Variants in XIRP2 observed in about 807,000 individuals in gnomAD.
The protein encoded by XIRP2 is xin actin-binding repeat-containing protein 2.
XIRP2 carries 236 observed loss-of-function variants against 277.0 expected under a neutral mutation model. The ratio of observed to expected loss-of-function variants is 0.85; its 90% confidence interval spans 0.77 to 0.95. The LOEUF (loss-of-function observed/expected upper bound fraction) is 0.95. Among genes scored for constraint, XIRP2 ranks in the 40% least tolerant of loss-of-function variants. The pLI is 0.00. For synonymous variants in XIRP2, 1,490 were observed against 1,416.5 expected, an observed-to-expected ratio of 1.05 and a Z score of -1.17; for missense variants, 4,640 against 4,157.5, an observed-to-expected ratio of 1.12 and a Z score of -3.19.
In XIRP2 at chr2:167,119,876, T is replaced by A. The variant is rs77681621; in HGVS notation, c.409-16033T>A. On this transcript the variant is annotated intron_variant, in intron 2 of 10. Coordinates refer to ENST00000409195, the MANE Select transcript of XIRP2 (RefSeq NM_152381.6). Reference sequence around the variant, plus strand: ...GTCTGTCATGCATGCAAAGTGCTGATCTAATTGGCCTATAAGAGCACTCCT... The same window carrying A: ...GTCTGTCATGCATGCAAAGTGCTGAACTAATTGGCCTATAAGAGCACTCCT... Among the ~76,000 whole-genome samples, 258 of 152,298 alleles carry A rather than the reference T, an allele frequency of 1.7e-3. 7 individuals carry two copies. In the East Asian group the frequency reaches 0.044, roughly 26 times the overall value.
intron 2 of XIRP2, among the ~76,000 whole-genome samples, chr2:166,982,592 C>T (rs1686904789): frequency 6.6e-6 from 1 of 151,966 alleles, no homozygotes; most frequent in Non-Finnish European, 1.5e-5. Context: ...AGCTCAGTGG[C>T]TTTTTCCTCC....
intron 1 of XIRP2, chr2:166,889,630 A>G (rs1217955678): frequency 1.3e-5 from 2 of 152,826 alleles, no homozygotes; most frequent in Non-Finnish European, 2.9e-5. Context: ...GGCAAGGCCC[A>G]CCTTGGCTTG....
At chr2:167,094,520 A>T (rs1283298323) in intron 2 of XIRP2, among the ~76,000 whole-genome samples, 1 of 152,168 alleles carries the variant, frequency 6.6e-6, no homozygotes, top group Non-Finnish European at 1.5e-5. Flanking sequence ...GTCTAGTTTC[A>T]GTTTTCTGCA....
intron 2 of XIRP2, among the ~76,000 whole-genome samples, chr2:167,021,852 G>A (rs74751567): frequency 0.031 from 4,665 of 151,904 alleles, 80 homozygotes; most frequent in East Asian, 0.082. Flanking sequence ...AAAAATTGCC[G>A]TTATAAAAAT....
chr2:167,244,399 A>G lies in XIRP2; in HGVS notation c.3007A>G (p.Thr1003Ala), dbSNP rs1465100152. The change falls in exon 9 of 11, where the codon ACA (threonine) becomes GCA (alanine). Residue 1003 changes from threonine (T) to alanine (A), a missense_variant. Thr to Ala is a moderately conservative substitution (Grantham distance 58). Transcript: ENST00000409195. ...DPLGKYHQVK[T>A]VQQEEIVRGD... ...CCTTGGAAAATATCATCAAGTAAAG[A>G]CAGTCCAGCAAGAAGAAATCGTAAG... 2.5e-6 allele frequency: 4 copies of G among 1,613,614 alleles called. No homozygotes were observed. Among genetic ancestry groups the G allele is most frequent in the African/African-American group, 1.3e-5 (1 of 74,916 alleles).
intron 3 of XIRP2, among the ~76,000 whole-genome samples, chr2:167,185,292 A>T (rs921303245): frequency 3.9e-5 from 6 of 152,128 alleles, no homozygotes; most frequent in Admixed American, 2.0e-4. Flanking sequence ...GTGTTCCACC[A>T]AGGTTTCTTT....
rs778348282 is a variant in XIRP2 at position 167,259,110 on chromosome 2, A to T, written c.*1293A>T. The T allele has an allele frequency of 6.2e-7, 1 of 1,611,508 alleles. No individual in the cohort carries two copies. The highest frequency in any genetic ancestry group is 8.5e-7 in the Non-Finnish European group (1 of 1,178,248). On this transcript the variant is annotated 3_prime_UTR_variant, in exon 11 of 11. Coordinates refer to ENST00000409195, the MANE Select transcript of XIRP2 (RefSeq NM_152381.6). ...TCCAAGAAAAATGAGAACATTTTCA[A>T]TTGTGATTTAATAGATTCTGTAGAT... is the stretch of plus-strand genomic sequence containing the variant.
At chr2:167,012,819 A>C (rs369508584) in intron 2 of XIRP2, among the ~76,000 whole-genome samples, 1 of 151,732 alleles carries the variant, frequency 6.6e-6, no homozygotes, top group South Asian at 2.1e-4. Flanking sequence ...CCCATAATCT[A>C]GCCTTTCAGT....
At chr2:167,115,118 C>T (rs1002757926) in intron 2 of XIRP2, among the ~76,000 whole-genome samples, 5 of 152,132 alleles carry the variant, frequency 3.3e-5, no homozygotes, top group Admixed American at 2.0e-4. Flanking sequence ...TGTTTCCTGA[C>T]TTTTTAAAGA....
intron 2 of XIRP2, among the ~76,000 whole-genome samples, chr2:167,121,135 C>T (rs183524811): frequency 6.6e-5 from 10 of 152,226 alleles, no homozygotes; most frequent in Admixed American, 4.6e-4. Flanking sequence ...CTGATATCTT[C>T]CAACCATTTT....
Position 167,243,118 on chromosome 2 carries a change from T to C in XIRP2, c.1726T>C (p.Ser576Pro). 1 of 1,614,088 alleles carries C rather than the reference T, an allele frequency of 6.2e-7. No homozygotes were observed. Among genetic ancestry groups the C allele is most frequent in the Non-Finnish European group, 8.5e-7 (1 of 1,179,990 alleles). Residue 576 changes from serine to proline, a missense_variant, in exon 9 of 11, where the codon TCC (serine) becomes CCC (proline). Coordinates refer to ENST00000409195, the MANE Select transcript of XIRP2 (RefSeq NM_152381.6). ...WDEILKGEVQ[S>P]IRWIFENQPL... The stretch of plus-strand genomic sequence containing the variant: ...TGAAATTCTGAAGGGAGAGGTGCAG[T>C]CCATTAGATGGATCTTTGAGAATCA...
chr2:167,012,867 CA>C (rs1275988691), intron 2 of XIRP2, among the ~76,000 whole-genome samples: 1 of 151,404 alleles, frequency 6.6e-6, no homozygotes, highest in African/African-American at 2.4e-5. Context: ...TCATAGACTC[CA>C]AAATAGCTAG....
chr2:167,025,931 G>C (rs1008465266), intron 2 of XIRP2, among the ~76,000 whole-genome samples: 1 of 152,260 alleles, frequency 6.6e-6, no homozygotes, highest in East Asian at 1.9e-4. Flanking sequence ...TGTATATTCT[G>C]TTGATTTGGG....
chr2:167,132,511 T>TACACACACACACACACACACACACAC (rs35636231), intron 2 of XIRP2, among the ~76,000 whole-genome samples: 1 of 146,226 alleles, frequency 6.8e-6, no homozygotes, highest in African/African-American at 2.5e-5. Context: ...TGCATGTGTA[T>TACACACACACACACACACACACACAC]ACACACACAC....
chr2:167,180,928 C>T (rs968051937), intron 3 of XIRP2, among the ~76,000 whole-genome samples: 7 of 152,188 alleles, frequency 4.6e-5, no homozygotes, highest in Non-Finnish European at 1.0e-4. Context: ...TCTTGAATTA[C>T]TGATACTGTG....
intron 2 of XIRP2, among the ~76,000 whole-genome samples, chr2:166,913,388 G>T (rs1376511176): frequency 6.6e-6 from 1 of 152,122 alleles, no homozygotes; most frequent in Non-Finnish European, 1.5e-5. Context: ...GGCTCCGTGG[G>T]CGTGGGACCC....
chr2:167,202,875 C>G (rs1693761954), intron 3 of XIRP2, among the ~76,000 whole-genome samples: 1 of 152,188 alleles, frequency 6.6e-6, no homozygotes, highest in Admixed American at 6.5e-5. Context: ...CCAGAAGCTC[C>G]AGGGGAGAAT....
chr2:167,122,278 G>A (rs1691077609), intron 2 of XIRP2, among the ~76,000 whole-genome samples: 1 of 152,054 alleles, frequency 6.6e-6, no homozygotes, highest in South Asian at 2.1e-4. Context: ...CCAAAAATGG[G>A]GTAAGAACCA....
chr2:167,023,658 T>G (rs2105489582), intron 2 of XIRP2, among the ~76,000 whole-genome samples: 1 of 152,338 alleles, frequency 6.6e-6, no homozygotes, highest in Non-Finnish European at 1.5e-5. Context: ...GGATCTGGTT[T>G]CAGCTTTCTA....
Sources: allele counts gnomAD v4.1 joint callset (sites outside exome capture counted in the v4.1 genomes callset), GRCh38; gene constraint gnomAD v4.1.1; transcripts MANE v1.5; gene names NCBI Gene and HGNC (gene_info 2026-07-23, HGNC 2026-07-21).